LUZP2: variants seen among roughly 807,000 people sequenced by gnomAD.
The protein encoded by LUZP2 is leucine zipper protein 2.
Under a neutral mutation model 51.6 loss-of-function variants are expected in LUZP2, and 52 were observed. The observed-to-expected ratio is 1.01, with a 90% CI of 0.81 to 1.27. The LOEUF is 1.27. Ranked by LOEUF, LUZP2 falls within the 50% of genes most tolerant of loss-of-function variation. The pLI, the probability that LUZP2 is intolerant of heterozygous loss-of-function variation, is 0.00. For missense variants in LUZP2, 436 were observed against 395.4 expected, an observed-to-expected ratio of 1.10 and a Z score of -0.87; for synonymous variants, 154 against 137.3, an observed-to-expected ratio of 1.12 and a Z score of -0.85.
At chr11:24,806,602 T>C (rs1279571073) in intron 5 of LUZP2, among the ~76,000 whole-genome samples, 1 of 152,050 alleles carries the variant, frequency 6.6e-6, no homozygotes, top group Non-Finnish European at 1.5e-5. Context: ...AAAAAGGAGA[T>C]TGGGAAGGTA....
intron 5 of LUZP2, among the ~76,000 whole-genome samples, chr11:24,775,861 C>G (rs1848900484): frequency 1.3e-5 from 2 of 152,072 alleles, no homozygotes. Flanking sequence ...TTATGTACCT[C>G]AAAATGTGGT....
chr11:24,680,558 G>T (rs762145122), intron 1 of LUZP2, among the ~76,000 whole-genome samples: 39 of 152,158 alleles, frequency 2.6e-4, no homozygotes, highest in Non-Finnish European at 4.6e-4. Context: ...ATGAGAGAAA[G>T]ATCTTCAGTT....
intron 5 of LUZP2, among the ~76,000 whole-genome samples, chr11:24,803,999 A>G (rs1453700171): frequency 2.0e-5 from 3 of 150,054 alleles, no homozygotes; most frequent in Non-Finnish European, 4.5e-5. Context: ...CATAAAGGAA[A>G]AAAAAAAAAA....
At chr11:24,602,385 T>TACACACAC (rs1444866024) in intron 1 of LUZP2, among the ~76,000 whole-genome samples, 18,812 of 85,828 alleles carry the variant, frequency 0.22, 1,561 homozygotes, top group South Asian at 0.26. Flanking sequence ...TATATATATA[T>TACACACAC]ATACACACAC....
intron 1 of LUZP2, among the ~76,000 whole-genome samples, chr11:24,642,250 C>T (rs1229457924): frequency 6.6e-6 from 1 of 151,796 alleles, no homozygotes; most frequent in Non-Finnish European, 1.5e-5. Context: ...AGCAGAGTTA[C>T]ACAACAATTA....
intron 5 of LUZP2, among the ~76,000 whole-genome samples, chr11:24,845,469 A>C (rs1851170821): frequency 6.6e-6 from 1 of 152,152 alleles, no homozygotes; most frequent in African/African-American, 2.4e-5. Flanking sequence ...AAATGAGCTA[A>C]GACTTTGGGG....
At chr11:24,928,003 T>TA (rs958558380) in intron 7 of LUZP2, among the ~76,000 whole-genome samples, 11 of 150,666 alleles carry the variant, frequency 7.3e-5, no homozygotes, top group African/African-American at 2.2e-4. Flanking sequence ...GCAGCTATTG[T>TA]AAAAAAAAAG....
At chr11:24,846,765 CA>C (rs1180046571) in intron 5 of LUZP2, among the ~76,000 whole-genome samples, 1 of 151,966 alleles carries the variant, frequency 6.6e-6, no homozygotes, top group African/African-American at 2.4e-5. Flanking sequence ...CAATAATCCG[CA>C]GTTATTTGAC....
intron 7 of LUZP2, among the ~76,000 whole-genome samples, chr11:24,960,727 C>G (rs541082144): frequency 6.6e-6 from 1 of 151,830 alleles, no homozygotes; most frequent in Non-Finnish European, 1.5e-5. Flanking sequence ...TTTGAAGGGT[C>G]CTTTGTGTCT....
intron 1 of LUZP2, among the ~76,000 whole-genome samples, chr11:24,649,220 A>G (rs532148286): frequency 2.6e-4 from 39 of 152,136 alleles, no homozygotes; most frequent in African/African-American, 8.7e-4. Flanking sequence ...GAGGCTCCTC[A>G]GTAGAATTTG....
chr11:24,950,668 A>G (rs1855048760), intron 7 of LUZP2, among the ~76,000 whole-genome samples: 2 of 151,628 alleles, frequency 1.3e-5, no homozygotes, highest in Non-Finnish European at 3.0e-5. Context: ...AACCAAAGTT[A>G]TAGCTCAAAC....
At chr11:24,757,987 A>G (rs564528597) in intron 4 of LUZP2, among the ~76,000 whole-genome samples, 2 of 152,278 alleles carry the variant, frequency 1.3e-5, no homozygotes, top group South Asian at 4.1e-4. Context: ...CTAATTTTCA[A>G]TGACCAATTA....
intron 1 of LUZP2, among the ~76,000 whole-genome samples, chr11:24,700,851 T>G (rs1400505406): frequency 6.6e-6 from 1 of 151,972 alleles, no homozygotes; most frequent in African/African-American, 2.4e-5. Flanking sequence ...AATTAAAAGA[T>G]ATATATATGA....
At chr11:24,531,357 A>T (rs1850992614) in intron 1 of LUZP2, among the ~76,000 whole-genome samples, 1 of 151,056 alleles carries the variant, frequency 6.6e-6, no homozygotes, top group South Asian at 2.1e-4. Flanking sequence ...ATATTTCAAT[A>T]TATGAATGTA....
intron 1 of LUZP2, among the ~76,000 whole-genome samples, chr11:24,690,219 C>A (rs1466824464): frequency 6.6e-6 from 1 of 151,564 alleles, no homozygotes; most frequent in Non-Finnish European, 1.5e-5. Flanking sequence ...TGTCAGATAC[C>A]TCAAACTTTT....
At chr11:25,021,878 C>G (rs1857344178) in intron 9 of LUZP2, among the ~76,000 whole-genome samples, 1 of 152,056 alleles carries the variant, frequency 6.6e-6, no homozygotes, top group Non-Finnish European at 1.5e-5. Context: ...GTGAATGACT[C>G]TGGGGTAGGA....
intron 1 of LUZP2, among the ~76,000 whole-genome samples, chr11:24,510,084 G>A (rs1268314069): frequency 6.6e-6 from 1 of 152,140 alleles, no homozygotes; most frequent in Non-Finnish European, 1.5e-5. Flanking sequence ...GAGAATTTTA[G>A]TAATGGCAGC....
At chr11:24,542,080 A>G (rs562107351) in intron 1 of LUZP2, among the ~76,000 whole-genome samples, 1 of 152,242 alleles carries the variant, frequency 6.6e-6, no homozygotes, top group South Asian at 2.1e-4. Flanking sequence ...ATGCCAAAAA[A>G]TGTTTCCCTA....
intron 9 of LUZP2, among the ~76,000 whole-genome samples, chr11:25,022,012 T>G (rs897270173): frequency 2.6e-5 from 4 of 152,060 alleles, no homozygotes; most frequent in Non-Finnish European, 5.9e-5. Flanking sequence ...TTTTGGTTCA[T>G]TAAGGTTAGA....
Sources: allele counts gnomAD v4.1 joint callset (sites outside exome capture counted in the v4.1 genomes callset), GRCh38; gene constraint gnomAD v4.1.1; transcripts MANE v1.5; gene names NCBI Gene and HGNC (gene_info 2026-07-23, HGNC 2026-07-21).